Variants in NRXN1 observed in about 807,000 individuals in gnomAD.
NRXN1 encodes neurexin 1.
Under a neutral mutation model 150.9 loss-of-function variants are expected in NRXN1, and 39 were observed. The observed-to-expected ratio is 0.26, with a 90% CI of 0.20 to 0.34. NRXN1 has a LOEUF of 0.34. NRXN1 is among the 10% of genes least tolerant of loss of function. The pLI, the probability that NRXN1 is intolerant of heterozygous loss-of-function variation, is 1.00. For synonymous variants in NRXN1, 924 were observed against 757.0 expected (o/e 1.22, Z -3.62); for missense variants, 1,815 against 1,949.9 (o/e 0.93, Z 1.30).
At chr2:50,341,347 A>G (rs1446963874) in intron 17 of NRXN1, among the ~76,000 whole-genome samples, 1 of 152,032 alleles carries the variant, frequency 6.6e-6, no homozygotes, top group East Asian at 1.9e-4. Flanking sequence ...TCTGATTTTA[A>G]GGTCTAGATT....
chr2:50,031,569 A>C (rs1207830127), intron 21 of NRXN1, among the ~76,000 whole-genome samples: 3 of 152,124 alleles, frequency 2.0e-5, no homozygotes, highest in Non-Finnish European at 4.4e-5. Flanking sequence ...TAACATGATG[A>C]AGTTGAAAAA....
chr2:50,579,532 C>G (rs1209697723), intron 8 of NRXN1, among the ~76,000 whole-genome samples: 1 of 152,170 alleles, frequency 6.6e-6, no homozygotes, highest in Admixed American at 6.6e-5. Flanking sequence ...GCCTATAGTC[C>G]TAGCTATTTG....
intron 17 of NRXN1, among the ~76,000 whole-genome samples, chr2:50,464,172 T>G (rs1023988442): frequency 6.6e-6 from 1 of 151,796 alleles, no homozygotes; most frequent in African/African-American, 2.4e-5. Context: ...CGCAAATGTA[T>G]GATAGTTTGA....
At chr2:50,205,913 T>C (rs1303145642) in intron 18 of NRXN1, among the ~76,000 whole-genome samples, 3 of 151,994 alleles carry the variant, frequency 2.0e-5, no homozygotes, top group Non-Finnish European at 4.4e-5. Flanking sequence ...CAAAGGAATA[T>C]GGAGAAAAAG....
chr2:51,018,420 G>A (rs1669081114), intron 2 of NRXN1, among the ~76,000 whole-genome samples: 1 of 152,008 alleles, frequency 6.6e-6, no homozygotes, highest in South Asian at 2.1e-4. Flanking sequence ...ACTTTGGCTT[G>A]CCAGGTCAGA....
intron 2 of NRXN1, among the ~76,000 whole-genome samples, chr2:50,978,509 C>A (rs1182462184): frequency 4.6e-5 from 7 of 151,286 alleles, no homozygotes; most frequent in African/African-American, 1.5e-4. Flanking sequence ...TACCAGATAT[C>A]TAATCCCTTT....
At chr2:50,859,667 G>A (rs561366358) in intron 5 of NRXN1, among the ~76,000 whole-genome samples, 32 of 151,768 alleles carry the variant, frequency 2.1e-4, no homozygotes, top group African/African-American at 7.5e-4. Flanking sequence ...TCAACAAAAG[G>A]GTTTGCCAGT....
At chr2:50,146,602 CAACA>C (rs1402842081) in intron 18 of NRXN1, among the ~76,000 whole-genome samples, 2 of 151,700 alleles carry the variant, frequency 1.3e-5, no homozygotes, top group African/African-American at 2.4e-5. Flanking sequence ...GATATTCTAT[CAACA>C]AACAATGAGG....
intron 18 of NRXN1, among the ~76,000 whole-genome samples, chr2:50,100,643 T>C (rs1015231020): frequency 3.9e-5 from 6 of 152,090 alleles, no homozygotes; most frequent in Non-Finnish European, 8.8e-5. Flanking sequence ...TCAAGCCTTT[T>C]CGTGATACTT....
chr2:50,180,646 C>T lies in NRXN1; in HGVS notation c.3546+56143G>A, dbSNP rs192769798. Among the ~76,000 whole-genome samples, 1,057 of 152,210 alleles carry T rather than the reference C, an allele frequency of 6.9e-3. 10 individuals carry two copies. The highest frequency in any genetic ancestry group is 8.3e-3 in the Non-Finnish European group (562 of 68,006). On this transcript the variant is annotated intron_variant, in intron 18 of 22. Transcript: ENST00000401669. ...CCTTCCCTCTGGGGGATACAGCACT[C>T]GAGGCCCCATCCTAAAGCAGAGACC...
chr2:50,309,664 G>A (rs1039113158), intron 17 of NRXN1, among the ~76,000 whole-genome samples: 4 of 152,042 alleles, frequency 2.6e-5, no homozygotes, highest in Admixed American at 1.3e-4. Flanking sequence ...GAAGAGAGGC[G>A]ACATGCTTCC....
chr2:50,866,546 AG>A (rs1676967173), intron 5 of NRXN1, among the ~76,000 whole-genome samples: 1 of 151,966 alleles, frequency 6.6e-6, no homozygotes, highest in Non-Finnish European at 1.5e-5. Flanking sequence ...TCATGAAAGT[AG>A]ATGTTAAAAT....
chr2:50,442,534 G>A (rs1483628475), intron 17 of NRXN1, among the ~76,000 whole-genome samples: 1 of 152,104 alleles, frequency 6.6e-6, no homozygotes, highest in Non-Finnish European at 1.5e-5. Flanking sequence ...AGTGAGGAGG[G>A]AAGTACCAGG....
chr2:50,046,396 T>A (rs1439643946), intron 21 of NRXN1, among the ~76,000 whole-genome samples: 1 of 152,276 alleles, frequency 6.6e-6, no homozygotes, highest in Admixed American at 6.5e-5. Flanking sequence ...TGAAGAAACA[T>A]AAATTCACAG....
chr2:50,033,033 C>CAT (rs972441847), intron 21 of NRXN1, among the ~76,000 whole-genome samples: 11 of 151,348 alleles, frequency 7.3e-5, no homozygotes, highest in African/African-American at 2.7e-4. Context: ...TGTATACACA[C>CAT]ATATATATAT....
chr2:50,135,822 G>C (rs772359120), intron 18 of NRXN1, among the ~76,000 whole-genome samples: 3 of 152,132 alleles, frequency 2.0e-5, no homozygotes, highest in Non-Finnish European at 4.4e-5. Context: ...AGAAGGATTC[G>C]CTAATTGGTT....
At chr2:49,956,170 T>A (rs185141612) in intron 21 of NRXN1, among the ~76,000 whole-genome samples, 1 of 152,176 alleles carries the variant, frequency 6.6e-6, no homozygotes, top group East Asian at 1.9e-4. Context: ...TTCCAGCCAG[T>A]ATAATCAGAA....
chr2:50,415,740 C>A (rs182781819), intron 17 of NRXN1, among the ~76,000 whole-genome samples: 312 of 151,888 alleles, frequency 2.1e-3, no homozygotes, highest in Admixed American at 3.0e-3. Context: ...AGTCCAGGAC[C>A]AATACCTTAT....
chr2:50,067,398 A>G (rs867686689), intron 19 of NRXN1, among the ~76,000 whole-genome samples: 6 of 152,218 alleles, frequency 3.9e-5, no homozygotes, highest in Middle Eastern at 3.2e-3. Context: ...AAATACAGGT[A>G]ACCTTGTGAA....
Sources: allele counts gnomAD v4.1 joint callset (sites outside exome capture counted in the v4.1 genomes callset), GRCh38; gene constraint gnomAD v4.1.1; transcripts MANE v1.5; gene names NCBI Gene and HGNC (gene_info 2026-07-23, HGNC 2026-07-21).